ENOX1: variants seen among roughly 807,000 people sequenced by gnomAD.
ENOX1 encodes candidate growth-related and time keeping constitutive hydroquinone (NADH) oxidase.
A neutral mutation model predicts 82.5 loss-of-function variants in ENOX1; 42 were observed. The observed-to-expected ratio is 0.51, with a 90% CI of 0.40 to 0.66. The LOEUF is 0.66. ENOX1 is among the 30% of genes least tolerant of loss of function. The probability of loss-of-function intolerance (pLI) is 0.00; values close to 1 mark genes in which losing one functional copy is unlikely to be tolerated. For synonymous variants in ENOX1, 271 were observed against 282.2 expected (o/e 0.96, Z 0.40); for missense variants, 608 against 811.6 (o/e 0.75, Z 3.05).
intron 9 of ENOX1, among the ~76,000 whole-genome samples, chr13:43,343,823 T>C (rs1478404153): frequency 6.6e-6 from 1 of 152,142 alleles, no homozygotes; most frequent in Non-Finnish European, 1.5e-5. Context: ...ATGATGCCAC[T>C]GTGACATTAA....
intron 2 of ENOX1, among the ~76,000 whole-genome samples, chr13:43,615,811 C>G (rs886191647): frequency 1.3e-5 from 2 of 151,716 alleles, no homozygotes; most frequent in African/African-American, 4.8e-5. Context: ...TCTCTTTGTT[C>G]AACTCCCACT....
At chr13:43,467,612 T>C (rs1397766312) in intron 3 of ENOX1, among the ~76,000 whole-genome samples, 1 of 152,130 alleles carries the variant, frequency 6.6e-6, no homozygotes, top group Non-Finnish European at 1.5e-5. Context: ...TGAGTTCTCT[T>C]TTCACTTTCT....
At chr13:43,536,831 AATGGATGCT>A (rs2078481284) in intron 2 of ENOX1, among the ~76,000 whole-genome samples, 1 of 152,236 alleles carries the variant, frequency 6.6e-6, no homozygotes, top group African/African-American at 2.4e-5. Context: ...CCTGTATCTA[AATGGATGCT>A]CTATTTGTAT....
intron 12 of ENOX1, among the ~76,000 whole-genome samples, chr13:43,270,334 C>G (rs2044614266): frequency 6.6e-6 from 1 of 152,180 alleles, no homozygotes; most frequent in South Asian, 2.1e-4. Context: ...CAAAAAGGCC[C>G]TGGAAACAGC....
intron 2 of ENOX1, among the ~76,000 whole-genome samples, chr13:43,508,896 C>G (rs2077270469): frequency 1.3e-5 from 2 of 151,912 alleles, no homozygotes; most frequent in South Asian, 4.1e-4. Context: ...ATAAGCCCTC[C>G]TATACTCTTT....
At chr13:43,777,769 C>G (rs979683825) in intron 1 of ENOX1, among the ~76,000 whole-genome samples, 1 of 151,762 alleles carries the variant, frequency 6.6e-6, no homozygotes, top group Non-Finnish European at 1.5e-5. Flanking sequence ...TGGCTGGTCT[C>G]GAACTCCTGA....
chr13:43,415,232 G>GTTTTTTTTTTTTTTTTTTTTTTT (rs71202260), intron 3 of ENOX1, among the ~76,000 whole-genome samples: 1 of 54,634 alleles, frequency 1.8e-5, no homozygotes, highest in African/African-American at 7.4e-5. Context: ...CCAATCCAAT[G>GTTTTTTTTTTTTTTTTTTTTTTT]TTTTTTTTTT....
chr13:43,265,456 T>C lies in ENOX1; in HGVS notation c.1555-2A>G, dbSNP rs1381817821. On this transcript the variant is annotated splice_acceptor_variant, in intron 13 of 16. Coordinates refer to ENST00000690772, the MANE Select transcript of ENOX1 (RefSeq NM_001347969.2). LOFTEE classifies it high-confidence loss of function. ...GACCAATTCCTTGGTACCTTTTAAC[T>C]GCAAATTTTAAGGAAAAACAACACA... is the stretch of plus-strand genomic sequence containing the variant. The C allele has an allele frequency of 4.3e-5, 69 of 1,611,484 alleles. No individual in the cohort carries two copies. Among genetic ancestry groups the C allele is most frequent in the Non-Finnish European group, 5.9e-5 (69 of 1,178,792 alleles).
At chr13:43,425,881 G>A (rs1424333311) in intron 3 of ENOX1, among the ~76,000 whole-genome samples, 2 of 152,160 alleles carry the variant, frequency 1.3e-5, no homozygotes, top group South Asian at 2.1e-4. Context: ...CACCATTATG[G>A]AGAAATTAGA....
chr13:43,267,539 A>C (rs2044452157), intron 13 of ENOX1, among the ~76,000 whole-genome samples: 1 of 152,224 alleles, frequency 6.6e-6, no homozygotes, highest in African/African-American at 2.4e-5. Context: ...CTTTCCCTGC[A>C]TGTGTCCATT....
chr13:43,526,012 G>C (rs1165559855), intron 2 of ENOX1, among the ~76,000 whole-genome samples: 5 of 152,226 alleles, frequency 3.3e-5, no homozygotes, highest in African/African-American at 1.2e-4. Context: ...TTTGGACAGT[G>C]TACTCACAGA....
At position 43,368,207 on chromosome 13, in the gene ENOX1, G is replaced by T. The variant is rs116346783; in HGVS notation, c.209-6755C>A. Among the ~76,000 whole-genome samples the T allele has an allele frequency of 2.7e-3, 407 of 152,276 alleles. 1 individual carries two copies. The highest frequency in any genetic ancestry group is 9.3e-3 in the African/African-American group (388 of 41,546). Reference sequence around the variant, plus strand: ...CCAGAGTGAGTTCCTGGTGCCTGCCGTGCACACTTTATAAACAAAGACTTC... The same window carrying T: ...CCAGAGTGAGTTCCTGGTGCCTGCCTTGCACACTTTATAAACAAAGACTTC... On this transcript the variant is annotated intron_variant, in intron 5 of 16. Transcript: ENST00000690772.
At chr13:43,467,554 G>T (rs1453046674) in intron 3 of ENOX1, among the ~76,000 whole-genome samples, 1 of 141,644 alleles carries the variant, frequency 7.1e-6, no homozygotes, top group African/African-American at 2.8e-5. Context: ...TATATATCTG[G>T]TATACTCTTT....
At position 43,236,685 on chromosome 13, in the gene ENOX1, A is replaced by G; in HGVS notation, c.1665T>C (p.Ile555=). 2 of 1,589,022 alleles carry G rather than the reference A, an allele frequency of 1.3e-6. No individual in the cohort carries two copies. Among genetic ancestry groups the G allele is most frequent in the Non-Finnish European group, 1.7e-6 (2 of 1,173,834 alleles). ...ATTTTAAGCCTTGGCTTCTTTTCTC[A>G]ATATTGTTCTCTCGGTCTTGGTTGA... is the stretch of plus-strand genomic sequence containing the variant. The part of the protein sequence containing the change: ...ALVNQDRENN[I]EKRSQGLKSE... Residue 555 remains isoleucine, a synonymous_variant, in exon 15 of 17, where the codon ATT becomes ATC. Transcript: ENST00000690772.
intron 1 of ENOX1, among the ~76,000 whole-genome samples, chr13:43,678,716 C>G (rs1399813425): frequency 1.3e-5 from 2 of 152,164 alleles, no homozygotes; most frequent in African/African-American, 4.8e-5. Context: ...GCACTCAGAA[C>G]TGCTGTGAGG....
chr13:43,651,509 G>A (rs1452847477), intron 2 of ENOX1, among the ~76,000 whole-genome samples: 4 of 150,968 alleles, frequency 2.6e-5, no homozygotes, highest in East Asian at 2.0e-4. Context: ...CAGCCTGGCC[G>A]ACATGGAAAA....
chr13:43,402,825 T>C (rs1294645202), intron 5 of ENOX1, among the ~76,000 whole-genome samples: 1 of 152,182 alleles, frequency 6.6e-6, no homozygotes, highest in Non-Finnish European at 1.5e-5. Context: ...CTCATTCTAA[T>C]ATGGGAATTT....
intron 2 of ENOX1, among the ~76,000 whole-genome samples, chr13:43,496,463 G>A (rs995882645): frequency 1.3e-5 from 2 of 151,624 alleles, no homozygotes; most frequent in Non-Finnish European, 2.9e-5. Context: ...ATAGCTGACT[G>A]TAACCGAGTA....
chr13:43,323,826 T>C (rs1172396961), intron 10 of ENOX1, among the ~76,000 whole-genome samples: 2 of 152,274 alleles, frequency 1.3e-5, no homozygotes, highest in Non-Finnish European at 2.9e-5. Flanking sequence ...CTCCATGTTA[T>C]GGGTTTTCTC....
Sources: allele counts gnomAD v4.1 joint callset (sites outside exome capture counted in the v4.1 genomes callset), GRCh38; gene constraint gnomAD v4.1.1; transcripts MANE v1.5; gene names NCBI Gene and HGNC (gene_info 2026-07-23, HGNC 2026-07-21).